The following MSH3 variants were observed in gnomAD, a reference collection of about 807,000 sequenced individuals.
MSH3 encodes DNA mismatch repair protein Msh3.
In MSH3, 106 loss-of-function variants were observed where a neutral mutation model predicts 123.3. The observed-to-expected ratio is 0.86, with a 90% confidence interval of 0.73 to 1.01. MSH3 has a LOEUF of 1.01. MSH3 is among the 50% of genes least tolerant of loss of function. MSH3 has a pLI of 0.00. For missense variants in MSH3, 1,459 were observed against 1,347.6 expected, an observed-to-expected ratio of 1.08 and a Z score of -1.29; for synonymous variants, 515 against 481.4, an observed-to-expected ratio of 1.07 and a Z score of -0.91.
rs1021630215 is a variant in MSH3 at position 80,655,629 on chromosome 5, A to G, written c.237+665A>G. On this transcript the variant is annotated intron_variant, in intron 1 of 23. Transcript: ENST00000265081. ...GAGATACTGCCACAGGAAAAGCCCA[A>G]GGGTGACCCCTCACTTGGGTCACCT... 17 of 182,124 alleles carry G rather than the reference A, an allele frequency of 9.3e-5. No homozygotes were observed. In the Admixed American group the frequency reaches 1.1e-3, roughly 11 times the overall value. 11.3% of individuals were successfully genotyped at this position (182,124 alleles called of 1,614,324 possible).
intron 8 of MSH3, among the ~76,000 whole-genome samples, chr5:80,714,770 C>G (rs1331349595): frequency 1.3e-5 from 2 of 152,154 alleles, no homozygotes; most frequent in Non-Finnish European, 2.9e-5. Flanking sequence ...TGTCTAAAAA[C>G]ATTGTGGAGC....
At chr5:80,778,659 A>T in intron 16 of MSH3, 61 bp from the exon 17 acceptor site, 1 of 900,452 alleles carries the variant, frequency 1.1e-6, no homozygotes, top group Admixed American at 1.7e-5. Flanking sequence ...TTCTAAAGTG[A>T]TGGCATTTCG....
intron 22 of MSH3, among the ~76,000 whole-genome samples, 168 bp from the exon 23 acceptor site, chr5:80,872,948 C>A (rs1274209821): frequency 6.6e-6 from 1 of 152,176 alleles, no homozygotes; most frequent in Non-Finnish European, 1.5e-5. Context: ...ACAGTATTTA[C>A]CCTTTTCTAG....
At chr5:80,754,655 C>G (rs1270930930) in intron 12 of MSH3, among the ~76,000 whole-genome samples, 1 of 152,050 alleles carries the variant, frequency 6.6e-6, no homozygotes, top group Non-Finnish European at 1.5e-5. Flanking sequence ...TAAGATAATT[C>G]TTGGCATTTA....
intron 5 of MSH3, 84 bp from the exon 6 acceptor site, chr5:80,672,657 G>T: frequency 9.2e-7 from 1 of 1,092,570 alleles, no homozygotes; most frequent in Non-Finnish European, 1.4e-6. Context: ...AACCATTTCA[G>T]AATTGACGTT....
intron 15 of MSH3, among the ~76,000 whole-genome samples, chr5:80,772,011 T>C (rs551742962): frequency 1.3e-5 from 2 of 152,298 alleles, no homozygotes; most frequent in Admixed American, 1.3e-4. Flanking sequence ...AGTATGTATG[T>C]ATGTAATGAA....
At chr5:80,682,798 C>T (rs1272309411) in intron 8 of MSH3, among the ~76,000 whole-genome samples, 1 of 152,058 alleles carries the variant, frequency 6.6e-6, no homozygotes, top group Non-Finnish European at 1.5e-5. Flanking sequence ...CATTCTGTTG[C>T]ACTATCAAAT....
At chr5:80,832,535 C>T (rs1049336844) in intron 20 of MSH3, among the ~76,000 whole-genome samples, 17 of 152,010 alleles carry the variant, frequency 1.1e-4, no homozygotes, top group African/African-American at 2.4e-4. Flanking sequence ...AGGAGAATCT[C>T]TTGAACCTGG....
chr5:80,713,600 A>T (rs1750899723), intron 8 of MSH3, among the ~76,000 whole-genome samples: 1 of 152,172 alleles, frequency 6.6e-6, no homozygotes, highest in Non-Finnish European at 1.5e-5. Flanking sequence ...ATGTGGTTTT[A>T]TAATTTTTTA....
intron 8 of MSH3, among the ~76,000 whole-genome samples, chr5:80,704,331 A>G (rs1465303717): frequency 6.6e-6 from 1 of 152,084 alleles, no homozygotes; most frequent in East Asian, 1.9e-4. Context: ...GTAGAAAACA[A>G]TACTGGAATT....
chr5:80,773,039 C>G (rs1350366791), intron 15 of MSH3, among the ~76,000 whole-genome samples: 1 of 152,148 alleles, frequency 6.6e-6, no homozygotes, highest in Non-Finnish European at 1.5e-5. Flanking sequence ...TTGATACTTA[C>G]AGATTGAATA....
chr5:80,753,851 A>T (rs565362805), intron 12 of MSH3, among the ~76,000 whole-genome samples: 5 of 152,188 alleles, frequency 3.3e-5, no homozygotes, highest in Non-Finnish European at 7.3e-5. Context: ...GAGAAAGAAC[A>T]GGGAGGATAT....
intron 19 of MSH3, among the ~76,000 whole-genome samples, chr5:80,796,285 TTCTG>T (rs1744697601): frequency 6.6e-6 from 1 of 152,150 alleles, no homozygotes; most frequent in South Asian, 2.1e-4. Flanking sequence ...TAAAATAGCC[TTCTG>T]TCTAATTACA....
In MSH3 at chr5:80,778,980, C is replaced by CT. The variant is rs1366541253; in HGVS notation, c.2435+159dup. On this transcript the variant is annotated intron_variant, in intron 17 of 23. Transcript: ENST00000265081. ...GTACATGTGTTCTCTGATTTTATTT[C>CT]TTTTTTTTTTTTTTTACTTTTTTTT... 14,168 of 390,128 alleles carry CT rather than the reference C, an allele frequency of 0.036. 12 individuals carry two copies. The highest frequency in any genetic ancestry group is 0.051 in the South Asian group (1,551 of 30,210). 24.2% of individuals were successfully genotyped at this position (390,128 alleles called of 1,614,324 possible). A position where few individuals can be genotyped will look rare whatever the true frequency, so the allele number is the denominator to read the frequency against.
chr5:80,682,612 G>T (rs1445272675), intron 8 of MSH3, among the ~76,000 whole-genome samples: 1 of 152,034 alleles, frequency 6.6e-6, no homozygotes, highest in African/African-American at 2.4e-5. Flanking sequence ...CATAATAGAT[G>T]TATATATTTA....
chr5:80,793,501 G>A (rs941489436), intron 19 of MSH3, among the ~76,000 whole-genome samples: 1 of 152,202 alleles, frequency 6.6e-6, no homozygotes, highest in Non-Finnish European at 1.5e-5. Context: ...TAGGTAGCAG[G>A]TTGGCCTAAC....
intron 8 of MSH3, among the ~76,000 whole-genome samples, chr5:80,693,230 TATAC>T (rs1287455248): frequency 0.033 from 160 of 4,872 alleles, no homozygotes; most frequent in Middle Eastern, 0.12. Context: ...TATAGATAAA[TATAC>T]ATGCACATGT....
At chr5:80,747,082 C>A (rs980061062) in intron 12 of MSH3, among the ~76,000 whole-genome samples, 2 of 152,124 alleles carry the variant, frequency 1.3e-5, no homozygotes, top group Non-Finnish European at 2.9e-5. Flanking sequence ...AATAAGCAGA[C>A]CTTGTAGAGC....
intron 19 of MSH3, among the ~76,000 whole-genome samples, chr5:80,800,516 A>G (rs1240576671): frequency 6.6e-6 from 1 of 152,226 alleles, no homozygotes; most frequent in Admixed American, 6.5e-5. Flanking sequence ...TCAAATACGC[A>G]CGATCTTTCT....
Sources: gnomAD v4.1 joint callset for allele counts (sites outside exome capture counted in the v4.1 genomes callset) on GRCh38, gnomAD v4.1.1 for gene constraint, MANE v1.5 for transcripts, NCBI Gene and HGNC (gene_info 2026-07-23, HGNC 2026-07-21) for gene names.